CDH13: variants seen among roughly 807,000 people sequenced by gnomAD.
CDH13 encodes the protein cadherin-13.
In CDH13, 24 loss-of-function variants were observed where a neutral mutation model predicts 63.8. The ratio of observed to expected loss-of-function variants is 0.38; its 90% confidence interval spans 0.27 to 0.53. The LOEUF (loss-of-function observed/expected upper bound fraction) is 0.53, where lower values mean the gene tolerates loss of function less well. Among genes scored for constraint, CDH13 ranks in the 20% least tolerant of loss-of-function variants. CDH13 has a pLI of 0.85. For missense variants in CDH13, 1,049 were observed against 903.1 expected (o/e 1.16, Z -2.07); for synonymous variants, 503 against 355.3 (o/e 1.42, Z -4.67).
intron 1 of CDH13, among the ~76,000 whole-genome samples, chr16:82,800,638 C>T (rs1040109761): frequency 6.6e-6 from 1 of 152,216 alleles, no homozygotes; most frequent in Admixed American, 6.5e-5. Context: ...GCCAGCTCTA[C>T]ATGATTTGGA....
At chr16:83,536,683 T>A (rs1403177601) in intron 7 of CDH13, among the ~76,000 whole-genome samples, 1 of 151,896 alleles carries the variant, frequency 6.6e-6, no homozygotes, top group Non-Finnish European at 1.5e-5. Context: ...CTGGTTTGAG[T>A]GTTAAGGGGA....
At chr16:82,884,578 C>G (rs557827840) in intron 2 of CDH13, 7 of 181,272 alleles carry the variant, frequency 3.9e-5, no homozygotes, top group African/African-American at 1.6e-4. Context: ...AGGTGTTTGA[C>G]TCACCTAAAG....
At chr16:83,327,183 C>T (rs1313788128) in intron 5 of CDH13, among the ~76,000 whole-genome samples, 3 of 152,154 alleles carry the variant, frequency 2.0e-5, no homozygotes, top group Non-Finnish European at 2.9e-5. Flanking sequence ...TTTACATATG[C>T]TTATTAGTAA....
At chr16:83,350,501 A>G (rs1420579721) in intron 6 of CDH13, among the ~76,000 whole-genome samples, 5 of 152,090 alleles carry the variant, frequency 3.3e-5, no homozygotes, top group Admixed American at 2.0e-4. Flanking sequence ...CTCATTGTCT[A>G]ACTTCTGAAA....
chr16:82,673,965 A>G (rs1434068602), intron 1 of CDH13, among the ~76,000 whole-genome samples: 5 of 152,222 alleles, frequency 3.3e-5, no homozygotes, highest in Non-Finnish European at 7.3e-5. Context: ...AATTAAGCCT[A>G]TGGAACAAAA....
Position 83,666,824 on chromosome 16 carries a change from C to T in CDH13, c.1102-3966C>T, listed in dbSNP as rs958705881. On this transcript the variant is annotated intron_variant, in intron 8 of 13. Coordinates refer to ENST00000567109, the MANE Select transcript of CDH13 (RefSeq NM_001257.5). ...GATCAGATACCCACCTCCACACATA[C>T]ACACACACACATACACACACACACA... 3.5e-5 allele frequency among the ~76,000 whole-genome samples: 3 copies of T among 85,428 alleles called. No homozygotes were observed. In the South Asian group the frequency reaches 1.2e-3, roughly 35 times the overall value. The allele number at this position is 85,428 out of a possible 152,430, so 56.0% of individuals were successfully genotyped here.
At chr16:83,393,078 T>C (rs1169389093) in intron 6 of CDH13, among the ~76,000 whole-genome samples, 1 of 152,080 alleles carries the variant, frequency 6.6e-6, no homozygotes, top group African/African-American at 2.4e-5. Flanking sequence ...AATACATAGA[T>C]AAATACTATT....
chr16:83,234,333 C>G (rs1489048167), intron 5 of CDH13, among the ~76,000 whole-genome samples: 1 of 152,196 alleles, frequency 6.6e-6, no homozygotes, highest in Non-Finnish European at 1.5e-5. Context: ...CTGTTTGGCA[C>G]AGTCCTGGGC....
At chr16:82,799,015 A>G (rs1003035105) in intron 1 of CDH13, among the ~76,000 whole-genome samples, 6 of 152,160 alleles carry the variant, frequency 3.9e-5, no homozygotes, top group Non-Finnish European at 8.8e-5. Context: ...CTATCACCAG[A>G]GTCCTTGTTT....
At chr16:83,702,371 G>C (rs1185714343) in intron 10 of CDH13, among the ~76,000 whole-genome samples, 2 of 152,142 alleles carry the variant, frequency 1.3e-5, no homozygotes, top group South Asian at 2.1e-4. Context: ...GGTGGGGTGG[G>C]ATGGCTCTGC....
chr16:82,800,764 A>T (rs1247735655), intron 1 of CDH13, among the ~76,000 whole-genome samples: 2 of 152,192 alleles, frequency 1.3e-5, no homozygotes, highest in Non-Finnish European at 2.9e-5. Context: ...AGGAATAGTG[A>T]TCCTGTGCTA....
chr16:82,955,271 T>C (rs1297120996), intron 2 of CDH13, among the ~76,000 whole-genome samples: 1 of 152,214 alleles, frequency 6.6e-6, no homozygotes, highest in Non-Finnish European at 1.5e-5. Flanking sequence ...CTTACACTGT[T>C]TGGCAAAGGA....
chr16:83,743,110 G>T (rs1171644857), intron 10 of CDH13, among the ~76,000 whole-genome samples: 3 of 152,214 alleles, frequency 2.0e-5, no homozygotes, highest in Non-Finnish European at 2.9e-5. Context: ...GGGAGGCTGA[G>T]GCAGGAGAAT....
chr16:83,779,614 G>A (rs1307349258), intron 11 of CDH13, among the ~76,000 whole-genome samples: 1 of 152,020 alleles, frequency 6.6e-6, no homozygotes, highest in Non-Finnish European at 1.5e-5. Context: ...CTTGACGCCA[G>A]GAGTTTGAAA....
chr16:83,514,925 C>T (rs952449954), intron 7 of CDH13, among the ~76,000 whole-genome samples: 1 of 152,090 alleles, frequency 6.6e-6, no homozygotes, highest in Non-Finnish European at 1.5e-5. Context: ...CGGTTTGTGA[C>T]GTGTAGTTAC....
intron 6 of CDH13, among the ~76,000 whole-genome samples, chr16:83,453,711 G>A (rs8054845): frequency 0.49 from 73,685 of 151,854 alleles, 18,751 homozygotes; most frequent in East Asian, 0.82. Context: ...GTTCTCTGCC[G>A]TACTCCCGAA....
chr16:83,339,745 C>A (rs558621430), intron 5 of CDH13, among the ~76,000 whole-genome samples: 1 of 152,280 alleles, frequency 6.6e-6, no homozygotes, highest in South Asian at 2.1e-4. Flanking sequence ...CCTCTCCCAC[C>A]AGTGCAGGTG....
At chr16:83,429,317 C>G (rs1456714740) in intron 6 of CDH13, among the ~76,000 whole-genome samples, 1 of 152,184 alleles carries the variant, frequency 6.6e-6, no homozygotes, top group Non-Finnish European at 1.5e-5. Context: ...CTGATTTCCT[C>G]ATGAGGTACA....
chr16:83,337,152 G>A (rs1461420721), intron 5 of CDH13, among the ~76,000 whole-genome samples: 1 of 152,178 alleles, frequency 6.6e-6, no homozygotes, highest in Non-Finnish European at 1.5e-5. Flanking sequence ...TATTAGTGTG[G>A]TGAATTAATT....
Sources: allele counts gnomAD v4.1 joint callset (sites outside exome capture counted in the v4.1 genomes callset), GRCh38; gene constraint gnomAD v4.1.1; transcripts MANE v1.5; gene names NCBI Gene and HGNC (gene_info 2026-07-23, HGNC 2026-07-21).